Variants in UBE2D4 observed in about 807,000 individuals in gnomAD.
UBE2D4 encodes ubiquitin-conjugating enzyme E2 D4.
A neutral mutation model predicts 23.0 loss-of-function variants in UBE2D4; 17 were observed. That is an observed-to-expected ratio of 0.74 (90% CI 0.51 to 1.11). The LOEUF is 1.11. Ranked by LOEUF, UBE2D4 falls within the 50% of genes least tolerant of loss-of-function variation. The pLI is 0.00. For missense variants in UBE2D4, 139 were observed against 181.8 expected, an observed-to-expected ratio of 0.76 and a Z score of 1.35; for synonymous variants, 61 against 69.4, an observed-to-expected ratio of 0.88 and a Z score of 0.60.
intron 1 of UBE2D4, among the ~76,000 whole-genome samples, chr7:43,933,099 A>G (rs1400403705): frequency 6.7e-6 from 1 of 148,740 alleles, no homozygotes; most frequent in Non-Finnish European, 1.5e-5. Flanking sequence ...ATGTGTGTAT[A>G]TATATAACAT....
chr7:43,948,846 A>C, intron 5 of UBE2D4, 109 bp downstream of exon 5: 1 of 833,844 alleles, frequency 1.2e-6, no homozygotes, highest in Non-Finnish European at 2.0e-6. Context: ...TTCCCAGGTC[A>C]CATAGCCCTG....
At chr7:43,943,154 C>T (rs1216341645) in intron 4 of UBE2D4, 123 bp downstream of exon 4, 5 of 933,234 alleles carry the variant, frequency 5.4e-6, no homozygotes, top group Admixed American at 4.0e-5. Flanking sequence ...CCCACTGCTC[C>T]ACCCTGTGGT....
chr7:43,933,044 G>C, intron 1 of UBE2D4, among the ~76,000 whole-genome samples: 1 of 137,956 alleles, frequency 7.2e-6, no homozygotes, highest in South Asian at 2.4e-4. Context: ...ATATGTATGT[G>C]TGTATATATA....
intron 6 of UBE2D4, 190 bp from the exon 7 acceptor site, chr7:43,952,460 T>C (rs907302466): frequency 5.2e-6 from 3 of 579,886 alleles, no homozygotes; most frequent in Admixed American, 2.8e-5. Context: ...TTCACCCAGC[T>C]GGGGGTTTAC....
rs2095933783 is a variant in UBE2D4, at chr7:43,927,243, A to ATTCCAC, written c.24+690_24+695dup. Among the ~76,000 whole-genome samples, 2 of 151,354 alleles carry ATTCCAC rather than the reference A, an allele frequency of 1.3e-5. 1 individual carries two copies. The highest frequency in any genetic ancestry group is 4.2e-4 in the South Asian group (2 of 4,810). On this transcript the variant is annotated intron_variant, in intron 1 of 6. Coordinates refer to ENST00000222402, the MANE Select transcript of UBE2D4 (RefSeq NM_015983.4). ...TTAAAACAATTATACTGCATTTTGT[A>ATTCCAC]TTCCACTTATTCACATAATAGTAAA...
chr7:43,951,702 T>C (rs981652815), intron 6 of UBE2D4, among the ~76,000 whole-genome samples: 3 of 152,154 alleles, frequency 2.0e-5, no homozygotes, highest in Non-Finnish European at 4.4e-5. Context: ...GGCTAATTTT[T>C]TGTAGAGACA....
Position 43,950,580 on chromosome 7 carries a change from C to A in UBE2D4, c.305-19C>A, listed in dbSNP as rs376177945. 1,342 of 1,611,418 alleles carry A rather than the reference C, an allele frequency of 8.3e-4. 2 individuals are homozygous for A. The highest frequency in any genetic ancestry group is 1.0e-3 in the Non-Finnish European group (1,228 of 1,177,646). On this transcript the variant is annotated intron_variant, in intron 5 of 6. Transcript: ENST00000222402. ...CAGCTTCGTGGCTACAGCTGACCAA[C>A]CTTTTCTTTTCTTCCCAGTTCTCTT...
intron 1 of UBE2D4, among the ~76,000 whole-genome samples, chr7:43,930,802 T>C (rs1285061098): frequency 2.6e-5 from 4 of 152,102 alleles, no homozygotes; most frequent in Non-Finnish European, 5.9e-5. Context: ...TGGTTTTTTT[T>C]CTCTTTGATA....
intron 5 of UBE2D4, chr7:43,948,939 T>G (rs1489144748): frequency 1.8e-6 from 1 of 551,582 alleles, no homozygotes; most frequent in Non-Finnish European, 3.3e-6. Flanking sequence ...TCCCTGGCGC[T>G]TCTCAGCAGT....
At chr7:43,931,116 G>GT (rs2095944405) in intron 1 of UBE2D4, among the ~76,000 whole-genome samples, 1 of 147,124 alleles carries the variant, frequency 6.8e-6, no homozygotes, top group Non-Finnish European at 1.5e-5. Flanking sequence ...GTGAGACTCT[G>GT]TCTCAAAAAA....
At chr7:43,942,900 T>G (rs991810979) in intron 3 of UBE2D4, 43 bp downstream of exon 3, 1 of 1,614,096 alleles carries the variant, frequency 6.2e-7, no homozygotes, top group Non-Finnish European at 8.5e-7. Context: ...TTTTGCTTCT[T>G]GCACTTTGGG....
intron 1 of UBE2D4, among the ~76,000 whole-genome samples, chr7:43,928,712 C>T (rs572081352): frequency 2.3e-4 from 35 of 151,910 alleles, no homozygotes; most frequent in Non-Finnish European, 4.1e-4. Flanking sequence ...TGACAGGACT[C>T]GAGGAGAGGA....
chr7:43,932,614 A>G, intron 1 of UBE2D4, among the ~76,000 whole-genome samples: 1 of 151,978 alleles, frequency 6.6e-6, no homozygotes, highest in Non-Finnish European at 1.5e-5. Flanking sequence ...CCAACATGGC[A>G]AAACCCTGTC....
chr7:43,937,514 T>C (rs576164181), intron 1 of UBE2D4, among the ~76,000 whole-genome samples: 92 of 152,318 alleles, frequency 6.0e-4, no homozygotes, highest in Middle Eastern at 3.4e-3. Flanking sequence ...GGAAATGGGT[T>C]CAGATATATT....
rs1384385407 is a variant in UBE2D4, at chr7:43,952,991, G to A, written c.*296G>A. 5.0e-6 allele frequency: 2 copies of A among 402,854 alleles called. No individual in the cohort carries two copies. Among genetic ancestry groups the A allele is most frequent in the African/African-American group, 2.1e-5 (1 of 48,268 alleles). The allele number at this position is 402,854 out of a possible 1,614,324, so 25.0% of individuals were successfully genotyped here. ...CCTCAGTTTGTCTGCTGGTCTCTTG[G>A]GGGGCCAGGCCCTGCACGTCTCTCC... On this transcript the variant is annotated 3_prime_UTR_variant, in exon 7 of 7. Coordinates refer to ENST00000222402, the MANE Select transcript of UBE2D4 (RefSeq NM_015983.4).
At chr7:43,943,175 C>A in intron 4 of UBE2D4, 144 bp downstream of exon 4, 2 of 792,048 alleles carry the variant, frequency 2.5e-6, no homozygotes, top group Non-Finnish European at 4.2e-6. Flanking sequence ...GAGAGTTTCC[C>A]AGGACTTTAA....
chr7:43,946,773 T>C (rs2095988172), intron 4 of UBE2D4, among the ~76,000 whole-genome samples: 1 of 151,570 alleles, frequency 6.6e-6, no homozygotes, highest in African/African-American at 2.4e-5. Context: ...CACAAGGGTA[T>C]TTTAGGGCTA....
intron 1 of UBE2D4, among the ~76,000 whole-genome samples, chr7:43,931,546 C>T (rs1343383951): frequency 7.2e-6 from 1 of 138,626 alleles, no homozygotes; most frequent in African/African-American, 2.7e-5. Context: ...GGAAGTATGG[C>T]ACTAGTGTCT....
chr7:43,943,052 C>A (rs2095977077), intron 4 of UBE2D4, 21 bp downstream of exon 4: 3 of 1,610,488 alleles, frequency 1.9e-6, no homozygotes, highest in South Asian at 1.1e-5. Flanking sequence ...TCTCCCAACT[C>A]CCCTGATGTT....
Sources: allele counts gnomAD v4.1 joint callset (sites outside exome capture counted in the v4.1 genomes callset), GRCh38; gene constraint gnomAD v4.1.1; transcripts MANE v1.5; gene names NCBI Gene and HGNC (gene_info 2026-07-23, HGNC 2026-07-21).